BOLL: variants seen among roughly 807,000 people sequenced by gnomAD.
BOLL encodes the protein protein boule-like.
In BOLL, 23 loss-of-function variants were observed where a neutral mutation model predicts 44.4. The observed-to-expected ratio is 0.52, with a 90% CI of 0.37 to 0.73. BOLL has a LOEUF of 0.73. Among genes scored for constraint, BOLL ranks in the 30% least tolerant of loss-of-function variants. The pLI, the probability that BOLL is intolerant of heterozygous loss-of-function variation, is 0.00. For missense variants in BOLL, 287 were observed against 338.3 expected (o/e 0.85, Z 1.19); for synonymous variants, 97 against 110.8 (o/e 0.88, Z 0.78).
chr2:197,775,628 A>G, intron 5 of BOLL, 37 bp downstream of exon 5: 1 of 1,291,310 alleles, frequency 7.7e-7, no homozygotes, highest in Non-Finnish European at 1.1e-6. Flanking sequence ...AGAACCATGC[A>G]AAAATATTTA....
chr2:197,731,412 G>A (rs966394059), intron 10 of BOLL, among the ~76,000 whole-genome samples: 3 of 146,452 alleles, frequency 2.0e-5, no homozygotes, highest in African/African-American at 7.7e-5. Context: ...CAACGAGACA[G>A]AAAGTCAACA....
chr2:197,770,593 C>T (rs577523345), intron 6 of BOLL, among the ~76,000 whole-genome samples: 1 of 152,210 alleles, frequency 6.6e-6, no homozygotes, highest in East Asian at 1.9e-4. Flanking sequence ...TTGCAATCTA[C>T]CCATCTGACA....
chr2:197,758,871 T>C, intron 7 of BOLL: 1 of 1,333,610 alleles, frequency 7.5e-7, no homozygotes, highest in South Asian at 1.3e-5. Flanking sequence ...GTCCAATACC[T>C]GTATCTTACT....
chr2:197,768,880 A>T (rs2106371159), intron 6 of BOLL, among the ~76,000 whole-genome samples: 1 of 150,620 alleles, frequency 6.6e-6, no homozygotes, highest in Admixed American at 6.7e-5. Context: ...AGGGCTGTTG[A>T]ATTTTGTCGA....
At chr2:197,761,286 TA>T (rs1177128866) in intron 7 of BOLL, among the ~76,000 whole-genome samples, 1 of 152,028 alleles carries the variant, frequency 6.6e-6, no homozygotes, top group East Asian at 1.9e-4. Flanking sequence ...ACTCTGTCTC[TA>T]AAAAAACCAG....
At chr2:197,740,915 G>A (rs1687701434) in intron 10 of BOLL, among the ~76,000 whole-genome samples, 1 of 152,174 alleles carries the variant, frequency 6.6e-6, no homozygotes, top group Admixed American at 6.5e-5. Flanking sequence ...CAGGTAGCGT[G>A]ATACCTCCGG....
intron 9 of BOLL, among the ~76,000 whole-genome samples, chr2:197,746,230 C>T (rs1395622920): frequency 6.6e-6 from 1 of 152,164 alleles, no homozygotes. Context: ...TTTTGGAAAA[C>T]AGTAGGGTGG....
chr2:197,769,569 T>C (rs1689143632), intron 6 of BOLL, among the ~76,000 whole-genome samples: 1 of 152,168 alleles, frequency 6.6e-6, no homozygotes, highest in South Asian at 2.1e-4. Flanking sequence ...TTGTCCCTCT[T>C]TGCAGATGAC....
upstream of BOLL, chr2:197,785,957 C>T: frequency 1.3e-6 from 2 of 1,575,582 alleles, no homozygotes; most frequent in Non-Finnish European, 1.7e-6. The surrounding 1 kb of genome is among the most constrained non-coding windows in gnomAD (Gnocchi z 6.7). Context: ...TATCCCGCGC[C>T]CTGGGGCCCT....
At chr2:197,734,405 C>T (rs1260264206) in intron 10 of BOLL, among the ~76,000 whole-genome samples, 1 of 152,062 alleles carries the variant, frequency 6.6e-6, no homozygotes, top group Non-Finnish European at 1.5e-5. Context: ...GTCAGTGTGG[C>T]GATTCCTCAG....
intron 9 of BOLL, among the ~76,000 whole-genome samples, chr2:197,746,920 CAGAG>C (rs1212879536): frequency 8.6e-5 from 12 of 139,024 alleles, no homozygotes; most frequent in African/African-American, 2.7e-4. Flanking sequence ...AAAAAAAAAG[CAGAG>C]AGAAGAATGG....
intron 6 of BOLL, among the ~76,000 whole-genome samples, chr2:197,770,607 G>T (rs376687695): frequency 6.6e-6 from 1 of 151,836 alleles, no homozygotes; most frequent in East Asian, 1.9e-4. Context: ...TCTGACAAAG[G>T]GCTAATATCC....
At chr2:197,745,994 C>A (rs1687971640) in intron 9 of BOLL, among the ~76,000 whole-genome samples, 1 of 152,112 alleles carries the variant, frequency 6.6e-6, no homozygotes, top group South Asian at 2.1e-4. Flanking sequence ...ATGGAGAAAT[C>A]ATGTTTATAT....
At chr2:197,739,382 C>T (rs1035056860) in intron 10 of BOLL, among the ~76,000 whole-genome samples, 1 of 152,042 alleles carries the variant, frequency 6.6e-6, no homozygotes, top group African/African-American at 2.4e-5. Context: ...CTGCCTCAGC[C>T]TCCTGAGTAG....
intron 9 of BOLL, among the ~76,000 whole-genome samples, chr2:197,747,838 A>T (rs1688057382): frequency 6.6e-6 from 1 of 152,192 alleles, no homozygotes. Flanking sequence ...ATGGAACAGG[A>T]TAGAGAACTC....
intron 7 of BOLL, among the ~76,000 whole-genome samples, chr2:197,761,954 A>T (rs1688778560): frequency 6.6e-6 from 1 of 152,232 alleles, no homozygotes; most frequent in Non-Finnish European, 1.5e-5. Flanking sequence ...TATATAAAGC[A>T]AGTCTTATTT....
chr2:197,784,352 G>T (rs1400192035), intron 1 of BOLL, among the ~76,000 whole-genome samples: 2 of 129,988 alleles, frequency 1.5e-5, no homozygotes, highest in African/African-American at 5.9e-5. Context: ...TGCCAAATAG[G>T]CTGAAGGCTA....
intron 9 of BOLL, among the ~76,000 whole-genome samples, chr2:197,752,070 C>T (rs561355299): frequency 7.2e-5 from 11 of 152,158 alleles, no homozygotes; most frequent in South Asian, 4.2e-4. Flanking sequence ...TCTCAATAGA[C>T]GCAGAAAAGG....
At chr2:197,766,483 G>A (rs999260866) in intron 7 of BOLL, 49 bp downstream of exon 7, 1 of 1,423,580 alleles carries the variant, frequency 7.0e-7, no homozygotes, top group East Asian at 2.3e-5. Flanking sequence ...AGTTAGCTAA[G>A]AAAGGACTGA....
Sources: allele counts gnomAD v4.1 joint callset (sites outside exome capture counted in the v4.1 genomes callset), GRCh38; gene constraint gnomAD v4.1.1; non-coding constraint Gnocchi (gnomAD v3.1); transcripts MANE v1.5; gene names NCBI Gene and HGNC (gene_info 2026-07-23, HGNC 2026-07-21).